ATE1: variants seen among roughly 807,000 people sequenced by gnomAD.
ATE1 encodes the protein arginyl-tRNA--protein transferase 1.
A neutral mutation model predicts 70.5 loss-of-function variants in ATE1; 36 were observed. The ratio of observed to expected loss-of-function variants is 0.51; its 90% CI spans 0.39 to 0.67. ATE1 has a LOEUF of 0.67. Among genes scored for constraint, ATE1 ranks in the 30% least tolerant of loss-of-function variants. The probability of loss-of-function intolerance (pLI) is 0.00; values close to 1 mark genes in which losing one functional copy is unlikely to be tolerated. For missense variants in ATE1, 593 were observed against 629.5 expected, an observed-to-expected ratio of 0.94 and a Z score of 0.62; for synonymous variants, 232 against 219.3, an observed-to-expected ratio of 1.06 and a Z score of -0.51.
chr10:121,865,923 T>C (rs112376407), intron 8 of ATE1, among the ~76,000 whole-genome samples: 1,754 of 152,340 alleles, frequency 0.012, 14 homozygotes, highest in Middle Eastern at 0.02. Context: ...GGTTCACTCA[T>C]AGTAGTCATT....
At chr10:121,902,728 G>T in intron 5 of ATE1, 108 bp from the exon 6 acceptor site, 3 of 1,117,644 alleles carry the variant, frequency 2.7e-6, no homozygotes, top group Middle Eastern at 2.5e-4. Flanking sequence ...CAATGGTTAG[G>T]CTAGCTTTGG....
chr10:121,826,428 C>A (rs1387243388), intron 10 of ATE1, among the ~76,000 whole-genome samples: 1 of 152,140 alleles, frequency 6.6e-6, no homozygotes, highest in African/African-American at 2.4e-5. Flanking sequence ...GCCTCAGCCT[C>A]CCAAGTAGCT....
At chr10:121,837,250 A>C (rs797008631) in intron 9 of ATE1, among the ~76,000 whole-genome samples, 31 of 152,330 alleles carry the variant, frequency 2.0e-4, no homozygotes, top group African/African-American at 6.3e-4. Context: ...ACATGCAAAG[A>C]CTTTCAGCTG....
At chr10:121,919,434 G>A (rs185981221) in intron 3 of ATE1, among the ~76,000 whole-genome samples, 12 of 152,056 alleles carry the variant, frequency 7.9e-5, no homozygotes, top group Admixed American at 3.3e-4. Flanking sequence ...GGTGGTGCAC[G>A]CCTGTAATCC....
intron 1 of ATE1, among the ~76,000 whole-genome samples, 187 bp from the exon 2 acceptor site, chr10:121,924,516 T>C (rs549984792): frequency 2.0e-5 from 3 of 152,162 alleles, no homozygotes; most frequent in Admixed American, 1.3e-4. Flanking sequence ...CTGGCCAACA[T>C]GGTGAAACCC....
chr10:121,832,967 C>T lies in ATE1; in HGVS notation c.1257+3751G>A, dbSNP rs565256889. On this transcript the variant is annotated intron_variant, in intron 10 of 11. Coordinates refer to ENST00000224652, the MANE Select transcript of ATE1 (RefSeq NM_001001976.3). ...TTATCAGTATACAAACAGAGAGAGC[C>T]TTGACAGGTCCCAACAAAAGCTCAG... 3.3e-5 allele frequency among the ~76,000 whole-genome samples: 5 copies of T among 152,250 alleles called. No homozygotes were observed. In the South Asian group the frequency reaches 1.0e-3, roughly 32 times the overall value.
intron 3 of ATE1, among the ~76,000 whole-genome samples, chr10:121,919,752 A>G (rs1328758024): frequency 6.6e-6 from 1 of 151,774 alleles, no homozygotes; most frequent in Non-Finnish European, 1.5e-5. Flanking sequence ...ACAAAAATTA[A>G]CCAGGCCTAG....
intron 11 of ATE1, among the ~76,000 whole-genome samples, chr10:121,766,666 A>G (rs1368539591): frequency 1.3e-5 from 2 of 152,210 alleles, no homozygotes; most frequent in Non-Finnish European, 2.9e-5. Flanking sequence ...GGGGCGGCCT[A>G]CACAAAAAGC....
intron 10 of ATE1, among the ~76,000 whole-genome samples, chr10:121,791,088 G>GTA (rs1168511846): frequency 3.0e-4 from 42 of 139,714 alleles, no homozygotes; most frequent in African/African-American, 1.1e-3. Flanking sequence ...GTGTGTGTGT[G>GTA]TATATATATT....
intron 3 of ATE1, among the ~76,000 whole-genome samples, chr10:121,920,994 T>C (rs1057413226): frequency 6.8e-6 from 1 of 146,814 alleles, no homozygotes; most frequent in Non-Finnish European, 1.5e-5. Flanking sequence ...ACTCCGTCTC[T>C]TTAAAAAAAA....
At position 121,920,315 on chromosome 10, in the gene ATE1, C is replaced by G. The variant is rs147732354; in HGVS notation, c.233+2034G>C. Among the ~76,000 whole-genome samples the G allele has an allele frequency of 7.1e-3, 1,075 of 151,806 alleles. 24 individuals carry two copies. The highest frequency in any genetic ancestry group is 0.025 in the African/African-American group (1,017 of 41,424). ...AGCCTAGGAAACATGGCGAGATCAG[C>G]CTAGGAAACATGGTGAGATCTGCCT... On this transcript the variant is annotated intron_variant, in intron 3 of 11. Transcript: ENST00000224652.
intron 5 of ATE1, among the ~76,000 whole-genome samples, chr10:121,904,041 G>A (rs796230888): frequency 1.8e-4 from 27 of 150,474 alleles, no homozygotes; most frequent in African/African-American, 5.1e-4. Flanking sequence ...GTGCAGTGGC[G>A]CCATCTGAGC....
chr10:121,879,126 A>T (rs758472130), intron 7 of ATE1, among the ~76,000 whole-genome samples: 31 of 152,028 alleles, frequency 2.0e-4, no homozygotes, highest in Middle Eastern at 3.4e-3. Flanking sequence ...GGATTTTTTT[A>T]AAAAAACTTT....
chr10:121,826,432 A>G (rs1390796279), intron 10 of ATE1, among the ~76,000 whole-genome samples: 1 of 152,128 alleles, frequency 6.6e-6, no homozygotes, highest in Non-Finnish European at 1.5e-5. Flanking sequence ...CAGCCTCCCA[A>G]GTAGCTGGAA....
intron 7 of ATE1, among the ~76,000 whole-genome samples, chr10:121,894,681 C>T (rs1293143031): frequency 2.6e-5 from 4 of 152,038 alleles, no homozygotes; most frequent in African/African-American, 9.7e-5. Flanking sequence ...AGGCAGATCA[C>T]GAGGTCAGGA....
In ATE1 at chr10:121,922,410, T is replaced by G; in HGVS notation, c.172A>C (p.Ser58Arg). 1 of 1,586,848 alleles carries G rather than the reference T, an allele frequency of 6.3e-7. No individual in the cohort carries two copies. Among genetic ancestry groups the G allele is most frequent in the Non-Finnish European group, 8.6e-7 (1 of 1,158,134 alleles). ...QDLIDRGWRR[S>R]GKYVYKPVMN... ...ACAGGTTTGTACACATATTTTCCAC[T>G]TCTAAAATTATAAAAATAGTTTGTT... Residue 58 changes from serine to arginine, a missense_variant and splice_region_variant, in exon 3 of 12, where the codon AGT (serine) becomes CGT (arginine). Coordinates refer to ENST00000224652, the MANE Select transcript of ATE1 (RefSeq NM_001001976.3).
intron 1 of ATE1, among the ~76,000 whole-genome samples, chr10:121,924,892 T>C (rs941246462): frequency 2.6e-5 from 4 of 152,148 alleles, no homozygotes; most frequent in Admixed American, 2.6e-4. Flanking sequence ...GATTAGTCAA[T>C]AGTCTCTATG....
intron 10 of ATE1, among the ~76,000 whole-genome samples, chr10:121,833,986 C>T (rs1197153076): frequency 6.6e-6 from 1 of 152,078 alleles, no homozygotes; most frequent in African/African-American, 2.4e-5. Context: ...AAGATATGGC[C>T]TAAGCACAGG....
chr10:121,855,924 A>G (rs182809755), intron 8 of ATE1, among the ~76,000 whole-genome samples: 2 of 151,742 alleles, frequency 1.3e-5, no homozygotes, highest in Non-Finnish European at 2.9e-5. Context: ...AAAAATACAA[A>G]AATTAGCCAG....
Sources: allele counts gnomAD v4.1 joint callset (sites outside exome capture counted in the v4.1 genomes callset), GRCh38; gene constraint gnomAD v4.1.1; transcripts MANE v1.5; gene names NCBI Gene and HGNC (gene_info 2026-07-23, HGNC 2026-07-21).